Variants in RERE observed in about 807,000 individuals in gnomAD.
The protein encoded by RERE is arginine-glutamic acid dipeptide repeats protein.
Under a neutral mutation model 146.1 loss-of-function variants are expected in RERE, and 40 were observed. The observed-to-expected ratio is 0.27, with a 90% CI of 0.21 to 0.36. The LOEUF (loss-of-function observed/expected upper bound fraction) is 0.36. Ranked by LOEUF, RERE falls within the 10% of genes least tolerant of loss-of-function variation. The pLI is 1.00. For missense variants in RERE, 1,933 were observed against 2,138.7 expected, an observed-to-expected ratio of 0.90 and a Z score of 1.90; for synonymous variants, 1,003 against 866.0, an observed-to-expected ratio of 1.16 and a Z score of -2.78.
chr1:8,699,859 C>T (rs1201097257), intron 1 of RERE, among the ~76,000 whole-genome samples: 2 of 152,144 alleles, frequency 1.3e-5, no homozygotes, highest in East Asian at 1.9e-4. Flanking sequence ...CAGCCACCCC[C>T]ACGAGATCCC....
intron 1 of RERE, among the ~76,000 whole-genome samples, chr1:8,698,383 T>C (rs1000870879): frequency 6.6e-6 from 1 of 152,246 alleles, no homozygotes; most frequent in African/African-American, 2.4e-5. Flanking sequence ...TATTTTAAAA[T>C]TATTGGTAGA....
intron 3 of RERE, among the ~76,000 whole-genome samples, chr1:8,616,695 T>C (rs970408365): frequency 1.3e-5 from 2 of 152,112 alleles, no homozygotes; most frequent in Non-Finnish European, 2.9e-5. Flanking sequence ...TTTCTTAGAG[T>C]CCCTTGACCC....
At chr1:8,503,085 T>A (rs544715080) in intron 8 of RERE, among the ~76,000 whole-genome samples, 3,706 of 124,912 alleles carry the variant, frequency 0.03, 136 homozygotes, top group African/African-American at 0.11. Flanking sequence ...AATGATCAAT[T>A]AAAAATAAAT....
chr1:8,528,024 AC>A (rs1369958938), intron 7 of RERE, among the ~76,000 whole-genome samples: 3 of 152,202 alleles, frequency 2.0e-5, no homozygotes, highest in Non-Finnish European at 4.4e-5. Context: ...CAAGGACACT[AC>A]CTAAATCATC....
intron 2 of RERE, among the ~76,000 whole-genome samples, chr1:8,633,107 T>C (rs1215127719): frequency 6.6e-6 from 1 of 152,160 alleles, no homozygotes; most frequent in African/African-American, 2.4e-5. Flanking sequence ...GCTTCTGAGA[T>C]TGATATTCTG....
At chr1:8,618,579 T>C (rs1386117134) in intron 3 of RERE, among the ~76,000 whole-genome samples, 2 of 152,230 alleles carry the variant, frequency 1.3e-5, no homozygotes, top group African/African-American at 4.8e-5. Context: ...ATTCCGTGAA[T>C]GTCCATACAC....
chr1:8,649,374 ACAT>A (rs1647484938), intron 2 of RERE, among the ~76,000 whole-genome samples: 1 of 152,210 alleles, frequency 6.6e-6, no homozygotes, highest in Non-Finnish European at 1.5e-5. Context: ...TCTAATTTTA[ACAT>A]CATCAATGAG....
chr1:8,557,030 A>T (rs1646016206), intron 5 of RERE, among the ~76,000 whole-genome samples: 1 of 151,576 alleles, frequency 6.6e-6, no homozygotes, highest in South Asian at 2.1e-4. Flanking sequence ...TTATAGTTTC[A>T]AAGAAGGAAA....
chr1:8,741,218 A>C (rs1012885935), intron 1 of RERE, among the ~76,000 whole-genome samples: 1 of 152,238 alleles, frequency 6.6e-6, no homozygotes, highest in African/African-American at 2.4e-5. Flanking sequence ...TTTACACAGC[A>C]CATGACCATA....
At chr1:8,381,486 G>A (rs903018505) in intron 12 of RERE, among the ~76,000 whole-genome samples, 1 of 152,182 alleles carries the variant, frequency 6.6e-6, no homozygotes, top group Non-Finnish European at 1.5e-5. Context: ...CAGTTTCAGT[G>A]ATAAGAAATT....
chr1:8,370,997 C>G (rs1642014892), intron 12 of RERE, among the ~76,000 whole-genome samples: 4 of 152,110 alleles, frequency 2.6e-5, no homozygotes, highest in Admixed American at 2.6e-4. Context: ...TCCTGATGCT[C>G]TCACCTCATC....
At position 8,412,177 on chromosome 1, in the gene RERE, C is replaced by CA. The variant is rs1557618330; in HGVS notation, c.1284+10549dup. ...TTAATATTTCTTGCCAAACAACAAT[C>CA]AAAAAAATCCAACTCCTGCACATGG... On this transcript the variant is annotated intron_variant, in intron 12 of 22. Coordinates refer to ENST00000400908, the MANE Select transcript of RERE (RefSeq NM_001042681.2). 3.3e-5 allele frequency among the ~76,000 whole-genome samples: 5 copies of CA among 152,190 alleles called. No homozygotes were observed. The South Asian group carries it at 1.0e-3, about 32-fold the overall frequency.
intron 1 of RERE, among the ~76,000 whole-genome samples, chr1:8,770,120 A>G (rs1640916857): frequency 6.6e-6 from 1 of 152,168 alleles, no homozygotes; most frequent in East Asian, 1.9e-4. Context: ...ACACTAATAT[A>G]TTGGAAATTT....
intron 20 of RERE, among the ~76,000 whole-genome samples, chr1:8,357,919 CT>C (rs1366186346): frequency 6.6e-6 from 1 of 152,262 alleles, no homozygotes; most frequent in African/African-American, 2.4e-5. Context: ...GCCTAGGCCA[CT>C]TCCCTCCATC....
intron 11 of RERE, among the ~76,000 whole-genome samples, chr1:8,453,241 T>C (rs1644409446): frequency 6.6e-6 from 1 of 152,178 alleles, no homozygotes; most frequent in African/African-American, 2.4e-5. Flanking sequence ...AAAATAATTT[T>C]CTACTTTTGT....
Position 8,356,025 on chromosome 1 carries a change from G to A in RERE, c.4486+75C>T. ...ATGCATGAATGAATGAATGAGTAATGAATGAAGACAGCAGACCAGACCCCA... is the reference window on the plus strand; with the variant it reads ...ATGCATGAATGAATGAATGAGTAATAAATGAAGACAGCAGACCAGACCCCA... On this transcript the variant is annotated intron_variant, in intron 21 of 22. Transcript: ENST00000400908. The surrounding 1 kb of genome is among the most constrained non-coding windows in gnomAD (Gnocchi z 5.2). The A allele has an allele frequency of 7.2e-7, 1 of 1,398,504 alleles. No homozygotes were observed. Among genetic ancestry groups the A allele is most frequent in the Non-Finnish European group, 9.5e-7 (1 of 1,057,576 alleles). The allele number at this position is 1,398,504 out of a possible 1,614,324, so 86.6% of individuals were successfully genotyped here.
rs560757124 is a variant in RERE, at chr1:8,551,160, AG to A, written c.725+5314del. ...CAAGTGACTCCTCCAAATAGGAAGC[AG>A]GTAATCAGAAAGCTGGAAAACAGTC... On this transcript the variant is annotated intron_variant, in intron 6 of 22. Transcript: ENST00000400908. Among the ~76,000 whole-genome samples, 427 of 152,318 alleles carry A rather than the reference AG, an allele frequency of 2.8e-3. 1 individual carries two copies. Among genetic ancestry groups the A allele is most frequent in the African/African-American group, 9.7e-3 (403 of 41,552 alleles).
chr1:8,537,780 C>T (rs1346590911), intron 7 of RERE, among the ~76,000 whole-genome samples: 1 of 151,930 alleles, frequency 6.6e-6, no homozygotes, highest in African/African-American at 2.4e-5. Context: ...ATTATTAGTT[C>T]AATAAGTGGT....
intron 1 of RERE, among the ~76,000 whole-genome samples, chr1:8,723,680 T>C (rs534270006): frequency 3.6e-4 from 55 of 152,346 alleles, no homozygotes; most frequent in African/African-American, 1.3e-3. Context: ...CTGTGAAATA[T>C]ATACTGTCCA....
Sources: allele counts gnomAD v4.1 joint callset (sites outside exome capture counted in the v4.1 genomes callset), GRCh38; gene constraint gnomAD v4.1.1; non-coding constraint Gnocchi (gnomAD v3.1); transcripts MANE v1.5; gene names NCBI Gene and HGNC (gene_info 2026-07-23, HGNC 2026-07-21).